Variants in UBR2 observed in about 807,000 individuals in gnomAD.
UBR2 encodes E3 ubiquitin-protein ligase UBR2.
UBR2 carries 92 observed loss-of-function variants against 247.9 expected under a neutral mutation model. The ratio of observed to expected loss-of-function variants is 0.37; its 90% CI spans 0.31 to 0.44. The LOEUF (loss-of-function observed/expected upper bound fraction) is 0.44. Ranked by LOEUF, UBR2 falls within the 20% of genes least tolerant of loss-of-function variation. The pLI, the probability that UBR2 is intolerant of heterozygous loss-of-function variation, is 1.00. For missense variants in UBR2, 1,613 were observed against 2,112.6 expected, an observed-to-expected ratio of 0.76 and a Z score of 4.64; for synonymous variants, 672 against 693.5, an observed-to-expected ratio of 0.97 and a Z score of 0.49.
intron 14 of UBR2, among the ~76,000 whole-genome samples, chr6:42,635,926 T>A (rs1264175198): frequency 6.6e-6 from 1 of 152,202 alleles, no homozygotes; most frequent in Non-Finnish European, 1.5e-5. Context: ...GGCGATAAAG[T>A]CTAGATGAGA....
At chr6:42,651,788 G>A (rs1299269142) in intron 23 of UBR2, among the ~76,000 whole-genome samples, 7 of 149,820 alleles carry the variant, frequency 4.7e-5, no homozygotes, top group Admixed American at 2.7e-4. Flanking sequence ...GCCACGCCCC[G>A]GCCTCTGTTG....
intron 38 of UBR2, among the ~76,000 whole-genome samples, chr6:42,674,564 C>T (rs1373586065): frequency 6.6e-6 from 1 of 152,112 alleles, no homozygotes; most frequent in East Asian, 1.9e-4. Context: ...AGTTTGAGAG[C>T]AGCCTTGCCA....
At chr6:42,580,244 T>A (rs1307950162) in intron 2 of UBR2, among the ~76,000 whole-genome samples, 1 of 152,218 alleles carries the variant, frequency 6.6e-6, no homozygotes, top group Non-Finnish European at 1.5e-5. Context: ...TTCTAGATAA[T>A]TTAGATTTCT....
intron 4 of UBR2, 23 bp downstream of exon 4, chr6:42,594,327 G>A: frequency 6.4e-7 from 1 of 1,574,334 alleles, no homozygotes; most frequent in Non-Finnish European, 8.7e-7. Context: ...TCACAAAGTT[G>A]TTTTTAACCC....
chr6:42,670,548 T>C, intron 35 of UBR2, 112 bp from the exon 36 acceptor site: 1 of 782,894 alleles, frequency 1.3e-6, no homozygotes, highest in African/African-American at 1.8e-5. Context: ...ATTCTGAAAC[T>C]TGACAATATT....
At chr6:42,673,275 G>A (rs1374190275) in intron 36 of UBR2, among the ~76,000 whole-genome samples, 3 of 152,144 alleles carry the variant, frequency 2.0e-5, no homozygotes, top group Non-Finnish European at 4.4e-5. Flanking sequence ...GTGTTTTAGG[G>A]TATCTGTTTA....
intron 26 of UBR2, among the ~76,000 whole-genome samples, 183 bp from the exon 27 acceptor site, chr6:42,657,841 T>C (rs975852965): frequency 1.3e-5 from 2 of 152,236 alleles, no homozygotes; most frequent in African/African-American, 4.8e-5. Context: ...TGTTGGCAAC[T>C]TGTTTGTAAA....
rs146193242 is a variant in UBR2, at chr6:42,565,751, G to T, written c.78+1354G>T. Among the ~76,000 whole-genome samples the T allele has an allele frequency of 6.5e-3, 990 of 152,004 alleles. 13 individuals carry two copies. The highest frequency in any genetic ancestry group is 0.023 in the African/African-American group (952 of 41,460). On this transcript the variant is annotated intron_variant, in intron 1 of 46. Transcript: ENST00000372901. ...AATTTTGTATTTTTAGTAGAGTTGG[G>T]GTTTCTCCATGTTGGTCAGGGTGGT...
At chr6:42,615,970 C>T in intron 9 of UBR2, 32 bp from the exon 10 acceptor site, 1 of 1,450,068 alleles carries the variant, frequency 6.9e-7, no homozygotes, top group East Asian at 2.5e-5. Context: ...TTGGGCGTGT[C>T]CTTATCTTAT....
chr6:42,658,877 G>T lies in UBR2; in HGVS notation c.3242+53G>T, dbSNP rs1196861769. 3.4e-6 allele frequency: 5 copies of T among 1,473,132 alleles called. No individual in the cohort carries two copies. The East Asian group carries it at 7.4e-5, about 22-fold the overall frequency. The allele number at this position is 1,473,132 out of a possible 1,614,324, so 91.3% of individuals were successfully genotyped here. On this transcript the variant is annotated intron_variant, in intron 29 of 46. Coordinates refer to ENST00000372901, the MANE Select transcript of UBR2 (RefSeq NM_001363705.2). ...GTCTTGACGAGTTTTTCCCAACTAG[G>T]GGCAGTGTTGCGTTTTCTCCTTGTA...
intron 2 of UBR2, among the ~76,000 whole-genome samples, chr6:42,589,396 T>C (rs1336939901): frequency 1.3e-5 from 2 of 152,214 alleles, no homozygotes; most frequent in Non-Finnish European, 2.9e-5. Flanking sequence ...TGTAGAATTC[T>C]TTTTATACGT....
At position 42,684,669 on chromosome 6, in the gene UBR2, A is replaced by C. The variant is rs986576415; in HGVS notation, c.4776-125A>C. 6.0e-6 allele frequency: 3 copies of C among 501,868 alleles called. No homozygotes were observed. The Admixed American group carries it at 1.2e-4, about 20-fold the overall frequency. 31.1% of individuals were successfully genotyped at this position (501,868 alleles called of 1,614,324 possible). ...TAACTCCATTTCTTGTCTTGGCAAT[A>C]GGTAAAGTAGTGAAAGGCCATACCA... On this transcript the variant is annotated intron_variant, in intron 43 of 46. Coordinates refer to ENST00000372901, the MANE Select transcript of UBR2 (RefSeq NM_001363705.2).
intron 36 of UBR2, 47 bp downstream of exon 36, chr6:42,670,762 A>G (rs1190711353): frequency 6.7e-7 from 1 of 1,493,120 alleles, no homozygotes; most frequent in African/African-American, 1.4e-5. Flanking sequence ...CATGGAAATT[A>G]GGTGGTTCTG....
At chr6:42,576,929 G>T (rs1450434104) in intron 2 of UBR2, among the ~76,000 whole-genome samples, 4 of 152,136 alleles carry the variant, frequency 2.6e-5, no homozygotes, top group Non-Finnish European at 5.9e-5. Context: ...GATCACATAA[G>T]TAATGCCAGG....
At chr6:42,638,819 C>T (rs1158457422) in intron 15 of UBR2, among the ~76,000 whole-genome samples, 1 of 151,552 alleles carries the variant, frequency 6.6e-6, no homozygotes, top group Admixed American at 6.6e-5. Context: ...TCTCTTCTGC[C>T]TTTAAAAATC....
Position 42,609,344 on chromosome 6 carries a change from T to A in UBR2, c.864+2693T>A, listed in dbSNP as rs181960140. On this transcript the variant is annotated intron_variant, in intron 7 of 46. Coordinates refer to ENST00000372901, the MANE Select transcript of UBR2 (RefSeq NM_001363705.2). ...CTTCTCTGAAGGATGTTTTAATAAG[T>A]CCACACCACAGAATATTATGCAGTC... is the stretch of plus-strand genomic sequence containing the variant. Among the ~76,000 whole-genome samples, 7 of 152,102 alleles carry A rather than the reference T, an allele frequency of 4.6e-5. No individual in the cohort carries two copies. In the East Asian group the frequency reaches 1.4e-3, roughly 29 times the overall value.
intron 11 of UBR2, among the ~76,000 whole-genome samples, chr6:42,620,577 C>T (rs1462016307): frequency 6.7e-6 from 1 of 150,100 alleles, no homozygotes; most frequent in Non-Finnish European, 1.5e-5. Flanking sequence ...GTCAGTGCAA[C>T]CTCAGCCTCC....
intron 8 of UBR2, among the ~76,000 whole-genome samples, chr6:42,613,017 C>G (rs4472340): frequency 6.6e-6 from 1 of 151,980 alleles, no homozygotes; most frequent in Non-Finnish European, 1.5e-5. Context: ...AGGAGAATCA[C>G]TTGAACCCAG....
intron 36 of UBR2, among the ~76,000 whole-genome samples, chr6:42,672,885 A>G (rs1213560624): frequency 6.6e-6 from 1 of 152,136 alleles, no homozygotes; most frequent in Non-Finnish European, 1.5e-5. Flanking sequence ...CTTCAGAACC[A>G]AGACCTAGTG....
Sources: gnomAD v4.1 joint callset for allele counts (sites outside exome capture counted in the v4.1 genomes callset) on GRCh38, gnomAD v4.1.1 for gene constraint, MANE v1.5 for transcripts, NCBI Gene and HGNC (gene_info 2026-07-23, HGNC 2026-07-21) for gene names.